The following CBARP variants were observed in gnomAD, a reference collection of about 807,000 sequenced individuals.
CBARP encodes voltage-dependent calcium channel beta subunit-associated regulatory protein.
In CBARP, 24 loss-of-function variants were observed where a neutral mutation model predicts 36.3. That is an observed-to-expected ratio of 0.66 (90% confidence interval 0.48 to 0.93). The LOEUF is 0.93. CBARP is among the 40% of genes least tolerant of loss of function. The probability of loss-of-function intolerance (pLI) is 0.00; values close to 1 mark genes in which losing one functional copy is unlikely to be tolerated. For missense variants in CBARP, 1,146 were observed against 980.4 expected (o/e 1.17, Z -2.26); for synonymous variants, 586 against 453.2 (o/e 1.29, Z -3.72).
chr19:1,236,896 A>T (rs2080982726), intron 1 of CBARP, among the ~76,000 whole-genome samples: 1 of 149,404 alleles, frequency 6.7e-6, no homozygotes, highest in South Asian at 2.1e-4. Flanking sequence ...AAGCCGCAAG[A>T]TGGCCGCGGC....
rs1194502895 is a variant in CBARP, at chr19:1,229,952, C to T, written c.1345G>A (p.Ala449Thr). The change falls in exon 10 of 10, where the codon GCC (alanine) becomes ACC (threonine). Residue 449 changes from alanine (A) to threonine (T), a missense_variant. Coordinates refer to ENST00000650044, the MANE Select transcript of CBARP (RefSeq NM_001393918.1). The surrounding 1 kb of genome is among the most constrained non-coding windows in gnomAD (Gnocchi z 5.1). ...CCGCTGCTGCTGTGGTCCGAGGCGG[C>T]CGCATGCAGCTCAAGCGAGGCGCGC... ...SLRASLELHAAASDHSSSGND... is the reference protein window; with the variant it reads ...SLRASLELHATASDHSSSGND... 2.5e-6 allele frequency: 3 copies of T among 1,202,802 alleles called. No homozygotes were observed. The highest frequency in any genetic ancestry group is 3.2e-6 in the Non-Finnish European group (3 of 945,930). 74.5% of individuals were successfully genotyped at this position (1,202,802 alleles called of 1,614,324 possible). A position where few individuals can be genotyped will look rare whatever the true frequency, so the allele number is the denominator to read the frequency against.
In CBARP at chr19:1,237,765, G is replaced by C. The variant is rs929271446; in HGVS notation, c.-31C>G. 5.3e-5 allele frequency: 8 copies of C among 149,966 alleles called. No homozygotes were observed. Among genetic ancestry groups the C allele is most frequent in the African/African-American group, 1.9e-4 (8 of 41,114 alleles). 9.3% of individuals were successfully genotyped at this position (149,966 alleles called of 1,614,324 possible). A position where few individuals can be genotyped will look rare whatever the true frequency, so the allele number is the denominator to read the frequency against. On this transcript the variant is annotated 5_prime_UTR_variant, in exon 1 of 10. Coordinates refer to ENST00000650044, the MANE Select transcript of CBARP (RefSeq NM_001393918.1). ...AGCCCGCCGCGCCTACCTCAGCGCCGGGACGAGCGGCCCATGGGCGGCGGG... is the reference window on the plus strand; with the variant it reads ...AGCCCGCCGCGCCTACCTCAGCGCCCGGACGAGCGGCCCATGGGCGGCGGG...
At position 1,236,215 on chromosome 19, in the gene CBARP, C is replaced by T. The variant is rs570490423; in HGVS notation, c.-21-94G>A. On this transcript the variant is annotated intron_variant, in intron 1 of 9. Coordinates refer to ENST00000650044, the MANE Select transcript of CBARP (RefSeq NM_001393918.1). ...TGGGTCTTCCCTGCAGGAGCAGGAG[C>T]CCACACAGGGGGCAGTGACTCATGG... The T allele has an allele frequency of 1.6e-5, 21 of 1,331,894 alleles. No individual in the cohort carries two copies. In the South Asian group the frequency reaches 2.2e-4, roughly 14 times the overall value. 82.5% of individuals were successfully genotyped at this position (1,331,894 alleles called of 1,614,324 possible).
At chr19:1,233,857 G>A (rs754549355) in intron 7 of CBARP, among the ~76,000 whole-genome samples, 1 of 152,246 alleles carries the variant, frequency 6.6e-6, no homozygotes, top group Non-Finnish European at 1.5e-5. Flanking sequence ...CCCTGGATAT[G>A]GGGTTTGGAG....
intron 7 of CBARP, among the ~76,000 whole-genome samples, 192 bp downstream of exon 7, chr19:1,233,999 C>G (rs2080928052): frequency 6.6e-6 from 1 of 152,194 alleles, no homozygotes; most frequent in African/African-American, 2.4e-5. Context: ...GTGCCCCCTG[C>G]ATGTGTGAGG....
At chr19:1,230,654 C>T (rs1035910520) in intron 9 of CBARP, 1 of 1,270,202 alleles carries the variant, frequency 7.9e-7, no homozygotes, top group Non-Finnish European at 9.9e-7. Flanking sequence ...TCCCATCCCA[C>T]CGACGTGGGC....
intron 9 of CBARP, 146 bp downstream of exon 9, chr19:1,230,955 C>A: frequency 6.3e-7 from 1 of 1,575,128 alleles, no homozygotes; most frequent in South Asian, 1.2e-5. Flanking sequence ...CCAGTGAGTC[C>A]GCCTCTGGGA....
At position 1,234,992 on chromosome 19, in the gene CBARP, C is replaced by T. The variant is rs1599949349; in HGVS notation, c.455+9G>A. The T allele has an allele frequency of 1.9e-6, 3 of 1,596,664 alleles. No individual in the cohort carries two copies. Among genetic ancestry groups the T allele is most frequent in the Non-Finnish European group, 1.7e-6 (2 of 1,169,250 alleles). On this transcript the variant is annotated intron_variant, in intron 5 of 9. Transcript: ENST00000650044. ...GCCCTGGGGTGCCTCCCAACGCCGC[C>T]CCGCTTACCGGCGACCCTTGTCCTG...
rs1375319442 is a variant in CBARP, at chr19:1,229,710, C to T, written c.1587G>A (p.Pro529=). 3.5e-5 allele frequency: 35 copies of T among 991,284 alleles called. No individual in the cohort carries two copies. The highest frequency in any genetic ancestry group is 4.1e-5 in the Non-Finnish European group (34 of 833,472). The allele number at this position is 991,284 out of a possible 1,614,324, so 61.4% of individuals were successfully genotyped here. A position where few individuals can be genotyped will look rare whatever the true frequency, so the allele number is the denominator to read the frequency against. Residue 529 remains proline, a synonymous_variant, in exon 10 of 10, where the codon CCG becomes CCA. Coordinates refer to ENST00000650044, the MANE Select transcript of CBARP (RefSeq NM_001393918.1). The surrounding 1 kb of genome is among the most constrained non-coding windows in gnomAD (Gnocchi z 5.1). The part of the protein sequence containing the change: ...PPAAPARPRS[P]RAWPRRPRRD... ...GGCGCGGGCGGCGGGGCCAGGCGCG[C>T]GGGCTGCGGGGCCGGGCGGGCGCGG...
upstream of CBARP, chr19:1,238,057 G>A (rs2081000093): frequency 6.8e-6 from 1 of 147,634 alleles, no homozygotes; most frequent in Admixed American, 6.7e-5. Flanking sequence ...CGGGGCGGGG[G>A]GCGGAGCCTG....
intron 1 of CBARP, among the ~76,000 whole-genome samples, 153 bp from the exon 2 acceptor site, chr19:1,236,274 G>T (rs1281073759): frequency 1.3e-5 from 2 of 152,220 alleles, no homozygotes; most frequent in African/African-American, 4.8e-5. Flanking sequence ...CCTCCACCCG[G>T]CTTGGCTCTG....
rs1478221922 is a variant in CBARP at position 1,233,460 on chromosome 19, C to T, written c.945G>A (p.Glu315=). ...CCAGACTGGCTGCCCGCTGGCTGGG[C>T]TCCAGCTTCCACTTCTTGACCTTGA... ...PYFKVKKWKL[E]PSQRAASLDT... is the part of the protein sequence containing the mutation. The change falls in exon 8 of 10, where the codon GAG becomes GAA. Residue 315 remains glutamate (E), a synonymous_variant. Transcript: ENST00000650044. 2 of 1,600,120 alleles carry T rather than the reference C, an allele frequency of 1.2e-6. No individual in the cohort carries two copies. The highest frequency in any genetic ancestry group is 8.5e-7 in the Non-Finnish European group (1 of 1,173,950).
At chr19:1,230,359 C>T (rs1320183800) in intron 9 of CBARP, 9 of 986,908 alleles carry the variant, frequency 9.1e-6, no homozygotes, top group Middle Eastern at 5.2e-4. Flanking sequence ...AGCAGGGTGC[C>T]TCCATGCTGG....
intron 9 of CBARP, 84 bp downstream of exon 9, chr19:1,231,017 C>A: frequency 6.5e-7 from 1 of 1,548,542 alleles, no homozygotes; most frequent in Non-Finnish European, 8.7e-7. Flanking sequence ...GCCTGGAGAG[C>A]GCTCCCTGGG....
At chr19:1,237,466 C>G (rs971970615) in intron 1 of CBARP, among the ~76,000 whole-genome samples, 1 of 152,172 alleles carries the variant, frequency 6.6e-6, no homozygotes, top group South Asian at 2.1e-4. Context: ...CGCCCCCGAG[C>G]CGGCCAAGGG....
chr19:1,232,295 T>C (rs2080904511), intron 8 of CBARP, among the ~76,000 whole-genome samples: 1 of 152,052 alleles, frequency 6.6e-6, no homozygotes, highest in Non-Finnish European at 1.5e-5. Context: ...CCCTGGCCCC[T>C]AGCTACCTTG....
Position 1,229,928 on chromosome 19 carries a change from CGCT to C in CBARP, c.1366_1368del (p.Ser456del), listed in dbSNP as rs1346502098. ...CTGCGCACCGAGTCGCGGTCGTTGC[CGCT>C]GCTGCTGTGGTCCGAGGCGGCCGCA... On this transcript the variant is annotated inframe_deletion, in exon 10 of 10. Coordinates refer to ENST00000650044, the MANE Select transcript of CBARP (RefSeq NM_001393918.1). This position sits in a 1 kb window ranked among gnomAD's most constrained non-coding sequence, Gnocchi z 5.1. 1 of 1,166,326 alleles carries C rather than the reference CGCT, an allele frequency of 8.6e-7. No individual in the cohort carries two copies. Among genetic ancestry groups the C allele is most frequent in the Non-Finnish European group, 1.1e-6 (1 of 923,740 alleles). The allele number at this position is 1,166,326 out of a possible 1,614,324, so 72.2% of individuals were successfully genotyped here.
At chr19:1,231,313 T>A in intron 8 of CBARP, 38 bp from the exon 9 acceptor site, 1 of 1,583,684 alleles carries the variant, frequency 6.3e-7, no homozygotes, top group African/African-American at 1.3e-5. Context: ...AGCCGGCATG[T>A]GCCTCCACCC....
At chr19:1,230,381 C>T (rs1029044449) in intron 9 of CBARP, 128 of 987,088 alleles carry the variant, frequency 1.3e-4, no homozygotes, top group Admixed American at 1.8e-4. Flanking sequence ...CTGCAGACGG[C>T]GGGGCCCCCT....
Sources: allele counts gnomAD v4.1 joint callset (sites outside exome capture counted in the v4.1 genomes callset), GRCh38; gene constraint gnomAD v4.1.1; non-coding constraint Gnocchi (gnomAD v3.1); transcripts MANE v1.5; gene names NCBI Gene and HGNC (gene_info 2026-07-23, HGNC 2026-07-21).